U2AF2: variants seen among roughly 807,000 people sequenced by gnomAD.
U2AF2 encodes U2 small nuclear RNA auxiliary factor 2, also known as splicing factor U2AF 65 kDa subunit.
U2AF2 carries 6 observed loss-of-function variants against 52.6 expected under a neutral mutation model. The observed-to-expected ratio is 0.11, with a 90% CI of 0.06 to 0.23. U2AF2 has a LOEUF of 0.23. U2AF2 is among the 10% of genes least tolerant of loss of function. The pLI is 1.00. For synonymous variants in U2AF2, 284 were observed against 258.2 expected, an observed-to-expected ratio of 1.10 and a Z score of -0.96; for missense variants, 222 against 677.1, an observed-to-expected ratio of 0.33 and a Z score of 7.46.
Position 55,660,496 on chromosome 19 carries a change from T to TCCCCCCCCC in U2AF2, c.231-16_231-15insCCCCCCCCC. On this transcript the variant is annotated intron_variant, in intron 3 of 11. Coordinates refer to ENST00000308924, the MANE Select transcript of U2AF2 (RefSeq NM_007279.3). ...AGACTGAGGTTGCCCTGCCCCGCTC[T>TCCCCCCCCC]CCCCTCCCACCTCCCCCAGTCGTTC... 1 of 894,574 alleles carries TCCCCCCCCC rather than the reference T, an allele frequency of 1.1e-6. No homozygotes were observed. Among genetic ancestry groups the TCCCCCCCCC allele is most frequent in the Non-Finnish European group, 1.8e-6 (1 of 553,302 alleles). 55.4% of individuals were successfully genotyped at this position (894,574 alleles called of 1,614,324 possible). A position where few individuals can be genotyped will look rare whatever the true frequency, so the allele number is the denominator to read the frequency against.
At chr19:55,666,554 G>A (rs893365715) in intron 7 of U2AF2, among the ~76,000 whole-genome samples, 2 of 152,230 alleles carry the variant, frequency 1.3e-5, no homozygotes, top group African/African-American at 4.8e-5. Context: ...CGGGCCATGG[G>A]GACTGCCGTG....
At chr19:55,666,979 G>A (rs926376131) in intron 7 of U2AF2, among the ~76,000 whole-genome samples, 4 of 152,198 alleles carry the variant, frequency 2.6e-5, no homozygotes, top group African/African-American at 9.7e-5. Context: ...CATTGCAGTA[G>A]GAGGTTGAAA....
At chr19:55,655,735 ATC>A (rs1293461839) in intron 1 of U2AF2, among the ~76,000 whole-genome samples, 1 of 151,986 alleles carries the variant, frequency 6.6e-6, no homozygotes, top group African/African-American at 2.4e-5. Flanking sequence ...ATTTGCTCTG[ATC>A]TCTCCCGCCA....
chr19:55,664,067 G>A (rs1359066995), intron 7 of U2AF2: 3 of 292,842 alleles, frequency 1.0e-5, no homozygotes, highest in Non-Finnish European at 1.9e-5. Context: ...GTGGGACCTT[G>A]GAGGGCTCAG....
intron 9 of U2AF2, 70 bp from the exon 10 acceptor site, chr19:55,669,013 A>C (rs1453530038): frequency 6.5e-7 from 1 of 1,548,010 alleles, no homozygotes; most frequent in Non-Finnish European, 8.8e-7. Context: ...GCTTGGGGGT[A>C]GGTGTCGGGC....
chr19:55,667,162 A>C (rs552126508), intron 7 of U2AF2, among the ~76,000 whole-genome samples: 1 of 152,092 alleles, frequency 6.6e-6, no homozygotes, highest in Admixed American at 6.6e-5. Context: ...GGGCAGCGTC[A>C]TCATGGGCTG....
chr19:55,665,832 A>G (rs1224387890), intron 7 of U2AF2, among the ~76,000 whole-genome samples: 1 of 152,166 alleles, frequency 6.6e-6, no homozygotes, highest in Non-Finnish European at 1.5e-5. Flanking sequence ...TGTTTTTAGT[A>G]GAGATGGGGT....
chr19:55,662,459 T>TC, intron 5 of U2AF2, 43 bp from the exon 6 acceptor site: 8 of 311,208 alleles, frequency 2.6e-5, no homozygotes, highest in Admixed American at 1.1e-4. Flanking sequence ...TCTCTCCACC[T>TC]CCCTTCCCCC....
chr19:55,664,835 A>G (rs1166047640), intron 7 of U2AF2, among the ~76,000 whole-genome samples: 2 of 152,106 alleles, frequency 1.3e-5, no homozygotes, highest in Admixed American at 1.3e-4. Context: ...CTCCTGCTTC[A>G]GCCTCCCGAG....
At chr19:55,662,297 C>G in intron 5 of U2AF2, 1 of 472,236 alleles carries the variant, frequency 2.1e-6, no homozygotes, top group South Asian at 3.8e-5. Context: ...GCTACTGCTT[C>G]CTCCCCATTT....
intron 1 of U2AF2, among the ~76,000 whole-genome samples, chr19:55,658,226 C>T (rs1046774470): frequency 1.3e-5 from 2 of 152,134 alleles, no homozygotes; most frequent in African/African-American, 4.8e-5. Flanking sequence ...TGTGTGTGTG[C>T]TTCATGGCTA....
intron 4 of U2AF2, 28 bp downstream of exon 4, chr19:55,660,647 A>G (rs1238340112): frequency 2.5e-6 from 4 of 1,600,800 alleles, no homozygotes; most frequent in Non-Finnish European, 3.4e-6. Context: ...CTGCTCCCAG[A>G]GCGGGAGGGT....
At position 55,659,326 on chromosome 19, in the gene U2AF2, C is replaced by T. The variant is rs1216613172; in HGVS notation, c.166C>T (p.Arg56Trp). ...RRNRDQRSASRDRRRRSKPLT... is the reference protein window; with the variant it reads ...RRNRDQRSASWDRRRRSKPLT... ...CAACCGGGACCAGCGGAGCGCCTCC[C>T]GGGACAGGCGACGACGCAGGTACTA... The change falls in exon 2 of 12, where the codon CGG becomes TGG. Residue 56 changes from arginine (R) to tryptophan (W), a missense_variant. Physicochemically the swap from Arg to Trp is moderately radical, Grantham distance 101. Transcript: ENST00000308924. The T allele has an allele frequency of 9.6e-6, 15 of 1,556,200 alleles. No individual in the cohort carries two copies. The highest frequency in any genetic ancestry group is 1.3e-5 in the Non-Finnish European group (15 of 1,148,370).
intron 11 of U2AF2, among the ~76,000 whole-genome samples, chr19:55,673,322 C>CTTT (rs11376705): frequency 2.7e-5 from 4 of 146,410 alleles, no homozygotes; most frequent in Admixed American, 6.8e-5. Context: ...CTCACTCCCT[C>CTTT]TTTTTTTTTT....
intron 7 of U2AF2, among the ~76,000 whole-genome samples, chr19:55,664,978 A>T (rs756413611): frequency 2.4e-4 from 37 of 152,242 alleles, no homozygotes; most frequent in Non-Finnish European, 4.6e-4. Context: ...TCAGTCTCCC[A>T]GAGTGTTGGG....
intron 1 of U2AF2, among the ~76,000 whole-genome samples, chr19:55,658,338 C>T (rs939399670): frequency 1.6e-5 from 2 of 128,788 alleles, no homozygotes; most frequent in East Asian, 5.4e-4. Context: ...TCTTGAAGGG[C>T]CGGTCTCTCT....
Position 55,660,160 on chromosome 19 carries a change from T to TC in U2AF2, c.186-14dup. 2 of 1,595,010 alleles carry TC rather than the reference T, an allele frequency of 1.3e-6. No homozygotes were observed. The highest frequency in any genetic ancestry group is 1.7e-5 in the Admixed American group (1 of 57,690). ...CCCCAGTCACCCCTCCCCATACCTT[T>TC]CCCTCCCACCCCCCAGCAAACCTTT... On this transcript the variant is annotated splice_polypyrimidine_tract_variant and intron_variant, in intron 2 of 11. Coordinates refer to ENST00000308924, the MANE Select transcript of U2AF2 (RefSeq NM_007279.3).
At position 55,669,191 on chromosome 19, in the gene U2AF2, C is replaced by G; in HGVS notation, c.1044+10C>G. ...GCTGGTGAGCCCCCCGGCACGTCAT[C>G]TTCCATTGGCTTGAGGGACCCTGGG... On this transcript the variant is annotated intron_variant, in intron 10 of 11. Coordinates refer to ENST00000308924, the MANE Select transcript of U2AF2 (RefSeq NM_007279.3). 3 of 1,613,352 alleles carry G rather than the reference C, an allele frequency of 1.9e-6. No homozygotes were observed. The highest frequency in any genetic ancestry group is 2.5e-6 in the Non-Finnish European group (3 of 1,179,668).
chr19:55,666,620 G>T (rs1332115297), intron 7 of U2AF2, among the ~76,000 whole-genome samples: 1 of 152,220 alleles, frequency 6.6e-6, no homozygotes, highest in African/African-American at 2.4e-5. Context: ...TCTCACACAC[G>T]TGGCTCACAC....
Sources: gnomAD v4.1 joint callset for allele counts (sites outside exome capture counted in the v4.1 genomes callset) on GRCh38, gnomAD v4.1.1 for gene constraint, MANE v1.5 for transcripts, NCBI Gene and HGNC (gene_info 2026-07-23, HGNC 2026-07-21) for gene names.